Variants in DST observed in about 807,000 individuals in gnomAD.
DST encodes the protein bullous pemphigoid antigen.
DST carries 253 observed loss-of-function variants against 875.2 expected under a neutral mutation model. The ratio of observed to expected loss-of-function variants is 0.29; its 90% CI spans 0.26 to 0.32. DST has a LOEUF of 0.32. Ranked by LOEUF, DST falls within the 10% of genes least tolerant of loss-of-function variation. DST has a pLI of 1.00. For synonymous variants in DST, 3,124 were observed against 3,197.1 expected, an observed-to-expected ratio of 0.98 and a Z score of 0.77; for missense variants, 8,287 against 9,111.6, an observed-to-expected ratio of 0.91 and a Z score of 3.68.
At chr6:56,533,448 A>AT (rs1021381332) in intron 63 of DST, among the ~76,000 whole-genome samples, 1 of 152,218 alleles carries the variant, frequency 6.6e-6, no homozygotes, top group African/African-American at 2.4e-5. Flanking sequence ...CTAAAAGAGT[A>AT]TTTTGAGATC....
intron 49 of DST, among the ~76,000 whole-genome samples, chr6:56,582,601 CT>C (rs112850619): frequency 2.8e-3 from 400 of 144,870 alleles, no homozygotes; most frequent in African/African-American, 6.2e-3. Context: ...TATTTCTTTT[CT>C]TTTTTTTTTT....
At chr6:56,557,106 G>A (rs1383799560) in intron 59 of DST, among the ~76,000 whole-genome samples, 1 of 152,172 alleles carries the variant, frequency 6.6e-6, no homozygotes, top group South Asian at 2.1e-4. Flanking sequence ...GGGATTCAAA[G>A]GAGGCCTCTA....
chr6:56,905,901 G>A (rs1253169461), intron 2 of DST, among the ~76,000 whole-genome samples: 1 of 151,988 alleles, frequency 6.6e-6, no homozygotes, highest in Non-Finnish European at 1.5e-5. Flanking sequence ...CACCCATCTC[G>A]GCCTTCCAAA....
chr6:56,472,039 G>A lies in DST; in HGVS notation c.22158+20C>T. On this transcript the variant is annotated intron_variant, in intron 94 of 103. Coordinates refer to ENST00000680361, the MANE Select transcript of DST (RefSeq NM_001374736.1). The stretch of plus-strand genomic sequence containing the variant: ...TGAGGGCAAATGACAATGTGGTGTT[G>A]AGGGTATGAATTTCCAAACCTCCTC... 6.2e-7 allele frequency: 1 copy of A among 1,612,630 alleles called. No individual in the cohort carries two copies. Among genetic ancestry groups the A allele is most frequent in the African/African-American group, 1.3e-5 (1 of 75,022 alleles).
At chr6:56,941,656 A>AT (rs1397894918) in intron 2 of DST, among the ~76,000 whole-genome samples, 5 of 152,014 alleles carry the variant, frequency 3.3e-5, no homozygotes, top group Admixed American at 6.6e-5. Context: ...TAATTTTTGT[A>AT]TTTTTGGAGA....
intron 29 of DST, 47 bp from the exon 30 acceptor site, chr6:56,631,436 G>T: frequency 6.5e-7 from 1 of 1,532,196 alleles, no homozygotes; most frequent in Non-Finnish European, 9.0e-7. Flanking sequence ...CACCTGTGAT[G>T]AGGTGTTTTT....
In DST at chr6:56,498,885, T is replaced by C. The variant is rs143621382; in HGVS notation, c.19897-832A>G. ...TCAGTTGTTCTTCAAGTAGAAAACATATATAATAAAAAGCTTACTACAGAA... is the reference window on the plus strand; with the variant it reads ...TCAGTTGTTCTTCAAGTAGAAAACACATATAATAAAAAGCTTACTACAGAA... On this transcript the variant is annotated intron_variant, in intron 80 of 103. Transcript: ENST00000680361. Among the ~76,000 whole-genome samples the C allele has an allele frequency of 3.4e-3, 517 of 152,276 alleles. 3 individuals are homozygous for C. The highest frequency in any genetic ancestry group is 0.012 in the African/African-American group (491 of 41,570).
intron 3 of DST, among the ~76,000 whole-genome samples, chr6:56,864,983 C>T (rs959789079): frequency 1.3e-5 from 2 of 152,134 alleles, no homozygotes; most frequent in Non-Finnish European, 2.9e-5. Flanking sequence ...CAGTATCAGT[C>T]ATTTATGCTT....
At chr6:56,747,176 G>A (rs2099575142) in intron 4 of DST, among the ~76,000 whole-genome samples, 2 of 152,212 alleles carry the variant, frequency 1.3e-5, no homozygotes, top group African/African-American at 4.8e-5. Context: ...GGTTTTGTCA[G>A]CATTTGTCAT....
intron 36 of DST, chr6:56,616,269 G>A (rs1467306637): frequency 4.3e-6 from 7 of 1,614,084 alleles, no homozygotes; most frequent in East Asian, 2.2e-5. Context: ...ATATTGAAGT[G>A]TAATCCTGTT....
chr6:56,735,038 C>T (rs1192887631), intron 5 of DST, 190 bp downstream of exon 5: 7 of 554,010 alleles, frequency 1.3e-5, no homozygotes, highest in East Asian at 9.6e-5. Flanking sequence ...CTTACCTATC[C>T]ACCTCCATCA....
At chr6:56,950,333 CTG>C (rs752950108) in intron 2 of DST, among the ~76,000 whole-genome samples, 7 of 152,152 alleles carry the variant, frequency 4.6e-5, no homozygotes, top group Non-Finnish European at 1.0e-4. Flanking sequence ...ACTATTCACT[CTG>C]GATATTCTCA....
chr6:56,693,253 TC>T lies in DST; in HGVS notation c.1047+6399del. On this transcript the variant is annotated intron_variant, in intron 9 of 103. Transcript: ENST00000680361. ...CTGAAAATTCCACTCTGACATCTGT[TC>T]CACACAGACTTTATGACCATCCTCT... The T allele has an allele frequency of 1.7e-6, 2 of 1,198,918 alleles. 1 individual carries two copies. Among genetic ancestry groups the T allele is most frequent in the South Asian group, 3.2e-5 (2 of 63,478 alleles). The allele number at this position is 1,198,918 out of a possible 1,614,324, so 74.3% of individuals were successfully genotyped here.
In DST at chr6:56,491,187, T is replaced by C. The variant is rs575815884; in HGVS notation, c.20757+1040A>G. ...CATTCAAAATGGGGTCTATGGTGTG[T>C]AATGCTATAACAATGCAATTTGTCA... On this transcript the variant is annotated intron_variant, in intron 85 of 103. Coordinates refer to ENST00000680361, the MANE Select transcript of DST (RefSeq NM_001374736.1). Among the ~76,000 whole-genome samples the C allele has an allele frequency of 4.9e-4, 74 of 152,338 alleles. No homozygotes were observed. In the South Asian group the frequency reaches 0.015, roughly 31 times the overall value.
chr6:56,746,495 A>C (rs890715427), intron 4 of DST, among the ~76,000 whole-genome samples: 3 of 152,236 alleles, frequency 2.0e-5, no homozygotes, highest in African/African-American at 7.2e-5. Flanking sequence ...CCTTTCACCT[A>C]TCCTATAAAA....
In DST at chr6:56,604,074, T is replaced by A; in HGVS notation, c.10554A>T (p.Thr3518=). ...VGDFNQKACS[T]SEMMEEKPHI... The stretch of plus-strand genomic sequence containing the variant: ...GTGGCTTTTCTTCCATCATCTCAGA[T>A]GTAGAACATGCTTTTTGATTAAAGT... Residue 3518 remains threonine (T), a synonymous_variant, in exon 40 of 104, where the codon ACA becomes ACT. Coordinates refer to ENST00000680361, the MANE Select transcript of DST (RefSeq NM_001374736.1). 1.3e-6 allele frequency: 2 copies of A among 1,582,394 alleles called. No homozygotes were observed. The highest frequency in any genetic ancestry group is 1.7e-6 in the Non-Finnish European group (2 of 1,161,806).
intron 64 of DST, among the ~76,000 whole-genome samples, chr6:56,530,999 A>G (rs914400218): frequency 2.6e-5 from 4 of 152,200 alleles, no homozygotes; most frequent in African/African-American, 9.6e-5. Flanking sequence ...AGAAGAAGGG[A>G]ATTACAGAAA....
At chr6:56,506,416 C>T (rs770757360) in intron 77 of DST, 27 bp downstream of exon 77, 45 of 1,568,126 alleles carry the variant, frequency 2.9e-5, no homozygotes, top group Admixed American at 3.5e-5. Flanking sequence ...CCAGCTAAGA[C>T]CAGCACATAC....
chr6:56,817,152 G>C (rs1462905740), intron 4 of DST, among the ~76,000 whole-genome samples: 2 of 151,708 alleles, frequency 1.3e-5, no homozygotes, highest in African/African-American at 4.8e-5. Flanking sequence ...GAAAAAGAGA[G>C]GACTAAAAAT....
Sources: allele counts gnomAD v4.1 joint callset (sites outside exome capture counted in the v4.1 genomes callset), GRCh38; gene constraint gnomAD v4.1.1; transcripts MANE v1.5; gene names NCBI Gene and HGNC (gene_info 2026-07-23, HGNC 2026-07-21).